Variants in GMPR observed in about 807,000 individuals in gnomAD.
GMPR encodes GMP reductase 1.
In GMPR, 31 loss-of-function variants were observed where a neutral mutation model predicts 38.4. That is an observed-to-expected ratio of 0.81 (90% confidence interval 0.61 to 1.09). The LOEUF (loss-of-function observed/expected upper bound fraction) is 1.09, where lower values mean the gene tolerates loss of function less well. Ranked by LOEUF, GMPR falls within the 50% of genes least tolerant of loss-of-function variation. The probability of loss-of-function intolerance (pLI) is 0.00; values close to 1 mark genes in which losing one functional copy is unlikely to be tolerated. For missense variants in GMPR, 468 were observed against 453.7 expected (o/e 1.03, Z -0.29); for synonymous variants, 162 against 173.3 (o/e 0.93, Z 0.51).
intron 7 of GMPR, among the ~76,000 whole-genome samples, chr6:16,289,207 G>A (rs1279403170): frequency 6.6e-6 from 1 of 152,176 alleles, no homozygotes; most frequent in East Asian, 1.9e-4. Context: ...AACCCCACCA[G>A]AAGGAAAAAG....
chr6:16,261,829 T>C (rs1446424410), intron 4 of GMPR, among the ~76,000 whole-genome samples: 6 of 151,774 alleles, frequency 4.0e-5, no homozygotes, highest in East Asian at 1.9e-4. Context: ...GTATCTTATA[T>C]TTGTGGGTTA....
intron 5 of GMPR, among the ~76,000 whole-genome samples, chr6:16,276,517 T>C (rs562297032): frequency 6.6e-6 from 1 of 152,250 alleles, no homozygotes; most frequent in African/African-American, 2.4e-5. Flanking sequence ...ACTACACTTG[T>C]TTTCTTCTTG....
intron 1 of GMPR, among the ~76,000 whole-genome samples, chr6:16,244,184 A>G (rs9367904): frequency 0.078 from 11,268 of 143,692 alleles, 780 homozygotes; most frequent in African/African-American, 0.18. Context: ...TTATTTAGGA[A>G]TGTGGTAGGT....
At position 16,264,440 on chromosome 6, in the gene GMPR, C is replaced by A. The variant is rs1006231626; in HGVS notation, c.465+9705C>A. The A allele has an allele frequency of 1.6e-4, 30 of 191,318 alleles. No homozygotes were observed. In the East Asian group the frequency reaches 3.9e-3, roughly 25 times the overall value. 11.9% of individuals were successfully genotyped at this position (191,318 alleles called of 1,614,324 possible). ...AAGAGCAGGAGGACAGGGGATTGAT[C>A]TCCCAAGGGAGGTCCCCCGATCTGA... On this transcript the variant is annotated intron_variant, in intron 4 of 8. Transcript: ENST00000259727.
intron 4 of GMPR, among the ~76,000 whole-genome samples, chr6:16,266,677 G>A (rs1759244711): frequency 6.6e-6 from 1 of 151,578 alleles, no homozygotes; most frequent in Non-Finnish European, 1.5e-5. Flanking sequence ...CGGGCGCAGT[G>A]GCGGGCGCCT....
intron 5 of GMPR, among the ~76,000 whole-genome samples, chr6:16,278,583 G>A (rs899132568): frequency 5.3e-5 from 8 of 152,136 alleles, no homozygotes; most frequent in Admixed American, 3.9e-4. Context: ...GATGAGGACC[G>A]GAGGGGGTGC....
chr6:16,261,726 G>T (rs2113680651), intron 4 of GMPR, among the ~76,000 whole-genome samples: 1 of 152,102 alleles, frequency 6.6e-6, no homozygotes. Context: ...AGCATGCTGT[G>T]GGATGGGATC....
chr6:16,265,974 G>A (rs908433595), intron 4 of GMPR, among the ~76,000 whole-genome samples: 3 of 152,164 alleles, frequency 2.0e-5, no homozygotes, highest in African/African-American at 7.2e-5. Flanking sequence ...AACAATTGTG[G>A]ATGTGCAACC....
intron 1 of GMPR, among the ~76,000 whole-genome samples, chr6:16,246,364 T>C (rs534763156): frequency 2.0e-5 from 3 of 152,306 alleles, no homozygotes; most frequent in Admixed American, 2.0e-4. Context: ...AAGATCCTCA[T>C]AATTAAAGCA....
At chr6:16,254,482 A>T (rs897169242) in intron 3 of GMPR, 80 bp from the exon 4 acceptor site, 1 of 1,223,292 alleles carries the variant, frequency 8.2e-7, no homozygotes, top group Non-Finnish European at 1.2e-6. Flanking sequence ...ACTGTCCCAG[A>T]ATAGGTGCAT....
At chr6:16,290,240 A>G (rs1759811578) in intron 7 of GMPR, 1 of 584,674 alleles carries the variant, frequency 1.7e-6, no homozygotes, top group South Asian at 2.1e-5. Context: ...AGCCTTCAGT[A>G]GGCTGCATTT....
chr6:16,289,137 A>G (rs138346968), intron 7 of GMPR, among the ~76,000 whole-genome samples: 341 of 152,324 alleles, frequency 2.2e-3, no homozygotes, highest in South Asian at 4.1e-3. Context: ...CACTGCTTTT[A>G]TGAGCTGTGC....
At chr6:16,278,318 C>G (rs1206021370) in intron 5 of GMPR, among the ~76,000 whole-genome samples, 1 of 152,086 alleles carries the variant, frequency 6.6e-6, no homozygotes, top group Admixed American at 6.5e-5. Flanking sequence ...TTTTACAGGC[C>G]GGGCAGTGAG....
intron 4 of GMPR, among the ~76,000 whole-genome samples, chr6:16,260,509 C>T (rs918599613): frequency 6.6e-6 from 1 of 151,978 alleles, no homozygotes. Context: ...GCTAATTTGC[C>T]AGTCCTGGGT....
chr6:16,290,613 T>C lies in GMPR; in HGVS notation c.849T>C (p.Ala283=), dbSNP rs751734141. Residue 283 remains alanine (A), a synonymous_variant, in exon 8 of 9, where the codon GCT becomes GCC. Coordinates refer to ENST00000259727, the MANE Select transcript of GMPR (RefSeq NM_006877.4). The stretch of plus-strand genomic sequence containing the variant: ...TGAACAAGCACGCAGGAGGAGTTGC[T>C]GAGTACAGGTGAGGAGGTGACCCCG... ...TAMNKHAGGV[A]EYRASEGKTV... 1.5e-5 allele frequency: 24 copies of C among 1,613,880 alleles called. No individual in the cohort carries two copies. Among genetic ancestry groups the C allele is most frequent in the Non-Finnish European group, 1.6e-5 (19 of 1,179,828 alleles).
Position 16,268,350 on chromosome 6 carries a change from T to C in GMPR, c.466-6065T>C, listed in dbSNP as rs747771211. 1.4e-4 allele frequency among the ~76,000 whole-genome samples: 21 copies of C among 152,236 alleles called. 1 individual carries two copies. Among genetic ancestry groups the C allele is most frequent in the Non-Finnish European group, 2.8e-4 (19 of 68,036 alleles). On this transcript the variant is annotated intron_variant, in intron 4 of 8. Coordinates refer to ENST00000259727, the MANE Select transcript of GMPR (RefSeq NM_006877.4). Reference sequence around the variant, plus strand: ...TTGTTGTTGAGATGGACTCTCACTCTGTTGCCCAGGCTGGAGTGTGGTGGC... The same window carrying C: ...TTGTTGTTGAGATGGACTCTCACTCCGTTGCCCAGGCTGGAGTGTGGTGGC...
At chr6:16,273,219 T>A (rs1759414853) in intron 4 of GMPR, among the ~76,000 whole-genome samples, 1 of 152,126 alleles carries the variant, frequency 6.6e-6, no homozygotes, top group Admixed American at 6.5e-5. Context: ...TTGTCTACGT[T>A]AAAAAAGAAA....
intron 3 of GMPR, among the ~76,000 whole-genome samples, chr6:16,250,812 T>G (rs949019348): frequency 2.7e-5 from 4 of 150,364 alleles, no homozygotes; most frequent in Non-Finnish European, 5.9e-5. Flanking sequence ...GAGGCTGAGG[T>G]GGGAGGATTG....
chr6:16,268,215 C>T (rs1759306418), intron 4 of GMPR, among the ~76,000 whole-genome samples: 1 of 152,188 alleles, frequency 6.6e-6, no homozygotes. Context: ...ATAATAAACT[C>T]AGTTTAACAT....
Sources: allele counts gnomAD v4.1 joint callset (sites outside exome capture counted in the v4.1 genomes callset), GRCh38; gene constraint gnomAD v4.1.1; transcripts MANE v1.5; gene names NCBI Gene and HGNC (gene_info 2026-07-23, HGNC 2026-07-21).